Variants in C17orf99 observed in about 807,000 individuals in gnomAD.
C17orf99 encodes protein IL-40.
Under a neutral mutation model 22.6 loss-of-function variants are expected in C17orf99, and 18 were observed. That is an observed-to-expected ratio of 0.80 (90% CI 0.55 to 1.18). C17orf99 has a LOEUF of 1.18. Among genes scored for constraint, C17orf99 ranks in the 50% most tolerant of loss-of-function variants. The probability of loss-of-function intolerance (pLI) is 0.00; values close to 1 mark genes in which losing one functional copy is unlikely to be tolerated. For synonymous variants in C17orf99, 147 were observed against 136.6 expected (o/e 1.08, Z -0.53); for missense variants, 328 against 342.7 (o/e 0.96, Z 0.34).
intron 2 of C17orf99, among the ~76,000 whole-genome samples, chr17:78,152,446 C>T (rs2075491706): frequency 6.6e-6 from 1 of 151,854 alleles, no homozygotes; most frequent in African/African-American, 2.4e-5. Flanking sequence ...GAGATCCTCC[C>T]ACCTCAACCT....
At chr17:78,159,219 C>T (rs867565918) in intron 2 of C17orf99, 1 of 152,340 alleles carries the variant, frequency 6.6e-6, no homozygotes, top group Non-Finnish European at 1.5e-5. Flanking sequence ...TGCCTGGAGT[C>T]CCCACTACAT....
intron 2 of C17orf99, among the ~76,000 whole-genome samples, chr17:78,153,897 G>GA (rs954585766): frequency 2.2e-4 from 29 of 131,550 alleles, no homozygotes; most frequent in East Asian, 4.4e-4. Context: ...CCTGTTTAGG[G>GA]AAAAAAAAAA....
At chr17:78,165,240 T>C in intron 4 of C17orf99, 2 of 988,496 alleles carry the variant, frequency 2.0e-6, no homozygotes, top group Non-Finnish European at 2.4e-6. Context: ...CATCTCTCTT[T>C]GTTTGGGAGA....
At chr17:78,153,105 A>C (rs2145778079) in intron 2 of C17orf99, among the ~76,000 whole-genome samples, 1 of 152,164 alleles carries the variant, frequency 6.6e-6, no homozygotes, top group South Asian at 2.1e-4. Context: ...ATTAAAAAAA[A>C]AATGATAGAC....
At chr17:78,151,048 G>A (rs1050764993) in intron 2 of C17orf99, among the ~76,000 whole-genome samples, 31 of 149,070 alleles carry the variant, frequency 2.1e-4, no homozygotes, top group African/African-American at 6.4e-4. Context: ...GCTTGAACCC[G>A]GGAGGCGGAG....
chr17:78,152,540 G>A (rs1211902240), intron 2 of C17orf99, among the ~76,000 whole-genome samples: 1 of 151,798 alleles, frequency 6.6e-6, no homozygotes, highest in East Asian at 1.9e-4. Flanking sequence ...TTGCCATGTT[G>A]GCCCGGCTGG....
At position 78,164,984 on chromosome 17, in the gene C17orf99, G is replaced by A. The variant is rs146966416; in HGVS notation, c.640+620G>A. 9 of 1,114,886 alleles carry A rather than the reference G, an allele frequency of 8.1e-6. No homozygotes were observed. In the African/African-American group the frequency reaches 1.4e-4, roughly 17 times the overall value. 69.1% of individuals were successfully genotyped at this position (1,114,886 alleles called of 1,614,324 possible). On this transcript the variant is annotated intron_variant, in intron 4 of 4. Transcript: ENST00000340363. ...ATGGGGTCTGAGCAGGGATTGCAGG[G>A]ATGATGCCTCCAGGAGACCAAGGTG... is the stretch of plus-strand genomic sequence containing the variant.
intron 2 of C17orf99, among the ~76,000 whole-genome samples, chr17:78,149,722 T>G (rs1327030314): frequency 3.3e-5 from 5 of 149,840 alleles, no homozygotes; most frequent in Admixed American, 7.0e-5. Flanking sequence ...ATTTTTTTTT[T>G]TTTTTGAGAC....
At chr17:78,165,780 CA>C in intron 4 of C17orf99, 108 bp from the exon 5 acceptor site, 1 of 1,257,662 alleles carries the variant, frequency 8.0e-7, no homozygotes. Flanking sequence ...CCAGCCTGGA[CA>C]AAAAGAGCAA....
chr17:78,151,228 C>T (rs1271410632), intron 2 of C17orf99, among the ~76,000 whole-genome samples: 9 of 151,872 alleles, frequency 5.9e-5, no homozygotes, highest in African/African-American at 9.7e-5. Flanking sequence ...TGTTCCAGAC[C>T]AGCCTGGCCA....
At chr17:78,149,791 C>G (rs1390449311) in intron 2 of C17orf99, among the ~76,000 whole-genome samples, 3 of 151,974 alleles carry the variant, frequency 2.0e-5, no homozygotes, top group Admixed American at 2.0e-4. Context: ...CTCACTGCAA[C>G]CTCCACCTCC....
At chr17:78,165,300 G>A (rs1313774394) in intron 4 of C17orf99, 4 of 985,856 alleles carry the variant, frequency 4.1e-6, no homozygotes, top group East Asian at 1.1e-4. Flanking sequence ...AGGCCCTTAC[G>A]TGGCTCTACC....
intron 2 of C17orf99, chr17:78,158,046 T>G (rs957064583): frequency 1.5e-6 from 2 of 1,352,312 alleles, no homozygotes; most frequent in African/African-American, 1.5e-5. Context: ...CACCTATCAC[T>G]GCTCCAGGAC....
chr17:78,154,234 A>G lies in C17orf99; in HGVS notation c.71-6721A>G, dbSNP rs550123546. 7.2e-5 allele frequency among the ~76,000 whole-genome samples: 11 copies of G among 151,980 alleles called. No homozygotes were observed. The East Asian group carries it at 1.4e-3, about 19-fold the overall frequency. ...GCCACTGTGCCAGGCCTGAAAAAAA[A>G]AAGTATTCTTCCCCATCTAAAAAGG... On this transcript the variant is annotated intron_variant, in intron 2 of 4. Coordinates refer to ENST00000340363, the MANE Select transcript of C17orf99 (RefSeq NM_001163075.2).
intron 2 of C17orf99, chr17:78,157,363 C>T: frequency 3.9e-6 from 4 of 1,026,240 alleles, no homozygotes; most frequent in African/African-American, 1.7e-5. Flanking sequence ...CTCGGAGGCT[C>T]ACAGCCAGTG....
At chr17:78,164,609 T>C in intron 4 of C17orf99, 1 of 1,513,424 alleles carries the variant, frequency 6.6e-7, no homozygotes, top group Non-Finnish European at 8.8e-7. Flanking sequence ...TTGGCAGCCT[T>C]GCCTCCACTG....
At chr17:78,145,783 C>T (rs1454392204), upstream of C17orf99, among the ~76,000 whole-genome samples, 2 of 149,140 alleles carry the variant, frequency 1.3e-5, no homozygotes, top group East Asian at 2.0e-4. Flanking sequence ...GAAGTTACAG[C>T]GTGGACATCT....
intron 3 of C17orf99, 140 bp downstream of exon 3, chr17:78,161,394 C>T: frequency 1.4e-6 from 1 of 732,636 alleles, no homozygotes; most frequent in South Asian, 1.8e-5. Context: ...AGGCTGCCAC[C>T]TCCAAGGCCA....
Position 78,157,397 on chromosome 17 carries a change from G to C in C17orf99, c.71-3558G>C, listed in dbSNP as rs1362448036. On this transcript the variant is annotated intron_variant, in intron 2 of 4. Coordinates refer to ENST00000340363, the MANE Select transcript of C17orf99 (RefSeq NM_001163075.2). ...TGGACAGGGTTGAGTCAGTGAGTTC[G>C]TGCGAGTTGGAATCGAAGCCTCTTA... The C allele has an allele frequency of 5.7e-6, 7 of 1,238,488 alleles. No homozygotes were observed. In the East Asian group the frequency reaches 2.3e-4, roughly 40 times the overall value. The allele number at this position is 1,238,488 out of a possible 1,614,324, so 76.7% of individuals were successfully genotyped here.
Sources: allele counts gnomAD v4.1 joint callset (sites outside exome capture counted in the v4.1 genomes callset), GRCh38; gene constraint gnomAD v4.1.1; transcripts MANE v1.5; gene names NCBI Gene and HGNC (gene_info 2026-07-23, HGNC 2026-07-21).